MCF2L: variants seen among roughly 807,000 people sequenced by gnomAD.
The protein encoded by MCF2L is MCF.2 cell line derived transforming sequence like, also known as guanine nucleotide exchange factor DBS.
Under a neutral mutation model 153.4 loss-of-function variants are expected in MCF2L, and 97 were observed. The ratio of observed to expected loss-of-function variants is 0.63; its 90% CI spans 0.54 to 0.75. MCF2L has a LOEUF of 0.75. MCF2L is among the 30% of genes least tolerant of loss of function. The pLI, the probability that MCF2L is intolerant of heterozygous loss-of-function variation, is 0.00. For synonymous variants in MCF2L, 659 were observed against 632.2 expected, an observed-to-expected ratio of 1.04 and a Z score of -0.64; for missense variants, 1,347 against 1,495.2, an observed-to-expected ratio of 0.90 and a Z score of 1.64.
intron 2 of MCF2L, among the ~76,000 whole-genome samples, chr13:112,959,339 C>G (rs939337631): frequency 6.6e-6 from 1 of 152,086 alleles, no homozygotes; most frequent in African/African-American, 2.4e-5. Context: ...CCATCTGGGG[C>G]TCTCATCGAG....
At chr13:112,973,631 A>G (rs1348170059) in intron 1 of MCF2L, among the ~76,000 whole-genome samples, 1 of 152,176 alleles carries the variant, frequency 6.6e-6, no homozygotes, top group Admixed American at 6.5e-5. Context: ...GACGCCCTCC[A>G]TGCGAAGACG....
At position 113,098,906 on chromosome 13, in the gene MCF2L, T is replaced by C. The variant is rs1191206894; in HGVS notation, c.*2047T>C. On this transcript the variant is annotated 3_prime_UTR_variant, in exon 30 of 30. Coordinates refer to ENST00000535094, the MANE Select transcript of MCF2L (RefSeq NM_001112732.3). ...GGAAGGGTGGAGAAAGGGGAAAGCATGGTTAACAGGAAACAACATGTAACG... is the reference window on the plus strand; with the variant it reads ...GGAAGGGTGGAGAAAGGGGAAAGCACGGTTAACAGGAAACAACATGTAACG... 1 of 152,284 alleles carries C rather than the reference T, an allele frequency of 6.6e-6. No individual in the cohort carries two copies. The highest frequency in any genetic ancestry group is 1.5e-5 in the Non-Finnish European group (1 of 68,070). The allele number at this position is 152,284 out of a possible 1,614,324, so 9.4% of individuals were successfully genotyped here.
intron 2 of MCF2L, chr13:112,902,473 GT>G: frequency 8.1e-7 from 1 of 1,236,812 alleles, no homozygotes; most frequent in Non-Finnish European, 1.1e-6. Context: ...GATTGACAAG[GT>G]TTAGATCCTG....
chr13:113,079,307 G>A (rs2033850172), intron 15 of MCF2L, among the ~76,000 whole-genome samples: 1 of 152,176 alleles, frequency 6.6e-6, no homozygotes, highest in Non-Finnish European at 1.5e-5. Flanking sequence ...AGGGAATGCA[G>A]GTCCCCAGAG....
chr13:113,015,378 G>A (rs1243466729), intron 2 of MCF2L, among the ~76,000 whole-genome samples: 1 of 152,220 alleles, frequency 6.6e-6, no homozygotes, highest in African/African-American at 2.4e-5. Context: ...GAACAAATCT[G>A]CCCAACAGGA....
chr13:113,055,446 C>T (rs2087698104), intron 4 of MCF2L, among the ~76,000 whole-genome samples: 1 of 131,128 alleles, frequency 7.6e-6, no homozygotes, highest in African/African-American at 2.8e-5. Context: ...ACACACACAC[C>T]TGGCTTCATC....
chr13:113,096,813 G>T lies in MCF2L; in HGVS notation c.3332G>T (p.Ser1111Ile). The change falls in exon 30 of 30, where the codon AGC (serine) becomes ATC (isoleucine). Residue 1111 changes from serine to isoleucine, a missense_variant. Physicochemically the swap from Ser to Ile is moderately radical, Grantham distance 142. Around this residue, in one of 3 missense-constraint regions of MCF2L, gnomAD observed 383 missense variants for 335.4 expected, o/e 1.14. Coordinates refer to ENST00000535094, the MANE Select transcript of MCF2L (RefSeq NM_001112732.3). ...PGSAVLSNSS[S>I]CSEGGQAPFS... is the part of the protein sequence containing the mutation. The stretch of plus-strand genomic sequence containing the variant: ...TCGGCCGTGCTGAGCAACTCGTCCA[G>T]CTGCAGCGAGGGCGGCCAGGCCCCC... The T allele has an allele frequency of 6.5e-7, 1 of 1,544,398 alleles. No homozygotes were observed. Among genetic ancestry groups the T allele is most frequent in the Non-Finnish European group, 8.7e-7 (1 of 1,155,694 alleles).
At chr13:112,899,808 C>T (rs1238309072) in intron 1 of MCF2L, among the ~76,000 whole-genome samples, 5 of 152,228 alleles carry the variant, frequency 3.3e-5, no homozygotes, top group African/African-American at 4.8e-5. Context: ...GTCAGTGTGA[C>T]GGGCCGCGCG....
intron 1 of MCF2L, among the ~76,000 whole-genome samples, chr13:112,984,126 C>T (rs907474838): frequency 1.4e-4 from 22 of 152,324 alleles, no homozygotes; most frequent in Non-Finnish European, 2.4e-4. Flanking sequence ...GCACCCTCGC[C>T]GGGTGCCGGA....
intron 1 of MCF2L, chr13:113,001,941 C>G (rs570903463): frequency 8.1e-6 from 13 of 1,595,590 alleles, no homozygotes; most frequent in East Asian, 6.8e-5. Flanking sequence ...ACTGCTGTGC[C>G]GGGACCTCTG....
Position 113,046,470 on chromosome 13 carries a change from C to T in MCF2L, c.369+1109C>T, listed in dbSNP as rs887464601. ...GATTCTCCTGGCCTTTCCTGGGTCC[C>T]GCGTTCAGACTACCTTTGGGTTCCC... On this transcript the variant is annotated intron_variant, in intron 4 of 29. Transcript: ENST00000535094. This position sits in a 1 kb window ranked among gnomAD's most constrained non-coding sequence, Gnocchi z 4.4. 3.2e-5 allele frequency: 16 copies of T among 503,910 alleles called. No homozygotes were observed. The highest frequency in any genetic ancestry group is 1.0e-4 in the South Asian group (7 of 67,408). The allele number at this position is 503,910 out of a possible 1,614,324, so 31.2% of individuals were successfully genotyped here. A position where few individuals can be genotyped will look rare whatever the true frequency, so the allele number is the denominator to read the frequency against.
chr13:113,094,538 T>C lies in MCF2L; in HGVS notation c.2978T>C (p.Leu993Pro). Residue 993 changes from leucine to proline, a missense_variant, in exon 27 of 30, where the codon CTG (leucine) becomes CCG (proline). By Grantham distance (98) the Leu-to-Pro change is moderately conservative. Coordinates refer to ENST00000535094, the MANE Select transcript of MCF2L (RefSeq NM_001112732.3). ...GKGWSKTSHS[L>P]EAPEDDGGWS... ...GGTTGGAGCAAAACGTCCCACTCAC[T>C]GGAGGCACCTGAGGACGACGGGGGC... 1 of 1,612,382 alleles carries C rather than the reference T, an allele frequency of 6.2e-7. No homozygotes were observed. Among genetic ancestry groups the C allele is most frequent in the South Asian group, 1.1e-5 (1 of 91,026 alleles).
chr13:112,914,110 A>G (rs2140534311), intron 2 of MCF2L, among the ~76,000 whole-genome samples: 2 of 152,182 alleles, frequency 1.3e-5, no homozygotes, highest in African/African-American at 4.8e-5. Context: ...GGTTTGTAAT[A>G]AGTAATATAC....
chr13:113,095,820 G>A (rs1250731807), intron 27 of MCF2L: 3 of 995,138 alleles, frequency 3.0e-6, no homozygotes, highest in Non-Finnish European at 2.4e-6. Context: ...CCAACGGAAC[G>A]TGTTCCATGA....
chr13:112,898,669 T>C (rs570373862), intron 1 of MCF2L, among the ~76,000 whole-genome samples: 1 of 152,196 alleles, frequency 6.6e-6, no homozygotes, highest in South Asian at 2.1e-4. Context: ...CGGCTGCCTG[T>C]GTCACTTCAC....
rs185392830 is a variant in MCF2L at position 113,060,331 on chromosome 13, C to T, written c.370-262C>T. The stretch of plus-strand genomic sequence containing the variant: ...ACACAGCTCAGCCCCTAACAACTGT[C>T]GTAAGCTTTGGACTTTTACATTTGT... On this transcript the variant is annotated intron_variant, in intron 4 of 29. Transcript: ENST00000535094. Among the ~76,000 whole-genome samples, 622 of 152,352 alleles carry T rather than the reference C, an allele frequency of 4.1e-3. 6 individuals carry two copies. Among genetic ancestry groups the T allele is most frequent in the African/African-American group, 0.014 (590 of 41,584 alleles).
chr13:113,002,058 G>T, intron 1 of MCF2L: 1 of 1,418,664 alleles, frequency 7.0e-7, no homozygotes, highest in Non-Finnish European at 9.2e-7. Context: ...GCCGGGCGGG[G>T]GTGGACGTTC....
intron 2 of MCF2L, chr13:112,917,460 G>A (rs1268120367): frequency 1.5e-5 from 5 of 325,986 alleles, no homozygotes; most frequent in South Asian, 2.5e-5. Flanking sequence ...TTGAGGTCGC[G>A]CTGCCTCTGC....
At position 113,089,804 on chromosome 13, in the gene MCF2L, G is replaced by C; in HGVS notation, c.2953+76G>C. The stretch of plus-strand genomic sequence containing the variant: ...CTCACGGAGTGCTCACTGCATCCGA[G>C]AAACCTGCGCTTCCTGCAGTGTGAA... On this transcript the variant is annotated intron_variant, in intron 26 of 29. Transcript: ENST00000535094. 4 of 1,603,544 alleles carry C rather than the reference G, an allele frequency of 2.5e-6. No individual in the cohort carries two copies. In the South Asian group the frequency reaches 4.4e-5, roughly 18 times the overall value.
Sources: gnomAD v4.1 joint callset for allele counts (sites outside exome capture counted in the v4.1 genomes callset) on GRCh38, gnomAD v4.1.1 for gene constraint, gnomAD v4.1.1 regional missense constraint, Gnocchi (gnomAD v3.1) non-coding constraint, MANE v1.5 for transcripts, NCBI Gene and HGNC (gene_info 2026-07-23, HGNC 2026-07-21) for gene names.